DOCK2: variants seen among roughly 807,000 people sequenced by gnomAD.
DOCK2 encodes the protein dedicator of cytokinesis protein 2.
Under a neutral mutation model 248.9 loss-of-function variants are expected in DOCK2, and 87 were observed. The ratio of observed to expected loss-of-function variants is 0.35; its 90% CI spans 0.29 to 0.42. The LOEUF (loss-of-function observed/expected upper bound fraction) is 0.42, where lower values mean the gene tolerates loss of function less well. Among genes scored for constraint, DOCK2 ranks in the 10% least tolerant of loss-of-function variants. The probability of loss-of-function intolerance (pLI) is 1.00; values close to 1 mark genes in which losing one functional copy is unlikely to be tolerated. For missense variants in DOCK2, 1,747 were observed against 2,300.2 expected (o/e 0.76, Z 4.92); for synonymous variants, 805 against 821.6 (o/e 0.98, Z 0.35).
chr5:169,826,456 G>A (rs953387671), intron 26 of DOCK2, among the ~76,000 whole-genome samples: 8 of 152,084 alleles, frequency 5.3e-5, no homozygotes, highest in African/African-American at 1.7e-4. Flanking sequence ...TTGGGGTAGG[G>A]CCTGGGAGAA....
chr5:169,883,820 G>T, intron 27 of DOCK2: 1 of 1,549,554 alleles, frequency 6.5e-7, no homozygotes, highest in South Asian at 1.2e-5. Flanking sequence ...CGGTGGTGAG[G>T]TTGTTTCACA....
intron 27 of DOCK2, among the ~76,000 whole-genome samples, chr5:169,923,972 T>G (rs1241665743): frequency 1.3e-5 from 2 of 152,186 alleles, no homozygotes; most frequent in Admixed American, 6.5e-5. Flanking sequence ...GTTGGCAAAA[T>G]GGAGCTGGAT....
At chr5:169,877,133 C>T (rs540169432) in intron 27 of DOCK2, among the ~76,000 whole-genome samples, 63 of 152,278 alleles carry the variant, frequency 4.1e-4, no homozygotes, top group African/African-American at 1.4e-3. Context: ...GCAGAAAAGA[C>T]GTCCCAGGAA....
At chr5:170,020,709 C>T (rs111340418) in intron 33 of DOCK2, among the ~76,000 whole-genome samples, 160 of 152,332 alleles carry the variant, frequency 1.1e-3, no homozygotes, top group African/African-American at 3.6e-3. Context: ...ATTCCTAAAC[C>T]CATGCTGCAA....
At chr5:169,939,590 A>G (rs1776148146) in intron 27 of DOCK2, among the ~76,000 whole-genome samples, 1 of 152,186 alleles carries the variant, frequency 6.6e-6, no homozygotes, top group East Asian at 1.9e-4. Flanking sequence ...GCAGCACAGT[A>G]TGTTAGTTTA....
intron 33 of DOCK2, among the ~76,000 whole-genome samples, chr5:170,024,854 G>T (rs777116264): frequency 2.0e-5 from 3 of 152,126 alleles, no homozygotes; most frequent in Non-Finnish European, 2.9e-5. Flanking sequence ...AGGCATGGTG[G>T]TATGGTATCA....
At chr5:169,955,177 C>A (rs568923468) in intron 27 of DOCK2, among the ~76,000 whole-genome samples, 1 of 152,294 alleles carries the variant, frequency 6.6e-6, no homozygotes, top group Non-Finnish European at 1.5e-5. Flanking sequence ...ATGACGAGAT[C>A]GCCAGGCAGC....
At chr5:169,957,832 C>T (rs1776928689) in intron 27 of DOCK2, among the ~76,000 whole-genome samples, 1 of 152,238 alleles carries the variant, frequency 6.6e-6, no homozygotes, top group Admixed American at 6.5e-5. Flanking sequence ...CTGACTCTCC[C>T]CTGCTCCCCA....
intron 25 of DOCK2, among the ~76,000 whole-genome samples, chr5:169,783,801 A>T (rs1042249365): frequency 6.6e-6 from 1 of 152,232 alleles, no homozygotes; most frequent in Non-Finnish European, 1.5e-5. Flanking sequence ...TTACAGATGG[A>T]TAAACCTGCT....
intron 30 of DOCK2, among the ~76,000 whole-genome samples, chr5:170,002,513 G>A (rs973234190): frequency 6.6e-6 from 1 of 152,196 alleles, no homozygotes; most frequent in African/African-American, 2.4e-5. Context: ...TGAGGAATTA[G>A]ACTTGGATCC....
chr5:169,871,409 GGTC>G (rs1771961103), intron 27 of DOCK2, among the ~76,000 whole-genome samples: 4 of 152,184 alleles, frequency 2.6e-5, no homozygotes, highest in Non-Finnish European at 5.9e-5. Context: ...AAAGAATGAT[GGTC>G]ATTTATGGAA....
At chr5:169,808,649 C>T (rs1315480980) in intron 26 of DOCK2, among the ~76,000 whole-genome samples, 2 of 152,286 alleles carry the variant, frequency 1.3e-5, no homozygotes, top group South Asian at 2.1e-4. Flanking sequence ...CGGTTTCACA[C>T]TGCTTCGTTC....
intron 46 of DOCK2, among the ~76,000 whole-genome samples, chr5:170,070,141 A>G (rs2113870162): frequency 6.6e-6 from 1 of 152,322 alleles, no homozygotes; most frequent in Non-Finnish European, 1.5e-5. Flanking sequence ...CAAACCACCC[A>G]TCAGAACACA....
chr5:169,708,502 T>C (rs1425813209), intron 15 of DOCK2, among the ~76,000 whole-genome samples: 1 of 152,026 alleles, frequency 6.6e-6, no homozygotes, highest in African/African-American at 2.4e-5. Context: ...GCAGTCTGGC[T>C]CTGGGTCTGT....
chr5:169,835,868 C>A (rs1769544768), intron 26 of DOCK2, among the ~76,000 whole-genome samples: 1 of 151,824 alleles, frequency 6.6e-6, no homozygotes, highest in South Asian at 2.1e-4. Flanking sequence ...CTCAAGCCTG[C>A]CTCAGCCTCC....
At chr5:169,986,381 C>G (rs190572308) in intron 29 of DOCK2, among the ~76,000 whole-genome samples, 3 of 152,100 alleles carry the variant, frequency 2.0e-5, no homozygotes, top group African/African-American at 7.2e-5. Flanking sequence ...ATTTAGGGTA[C>G]AGCATTCCAT....
intron 27 of DOCK2, among the ~76,000 whole-genome samples, chr5:169,978,470 A>G (rs1777814175): frequency 6.6e-6 from 1 of 151,006 alleles, no homozygotes; most frequent in Non-Finnish European, 1.5e-5. Flanking sequence ...GTACACTAAA[A>G]TTATTGGCAT....
At chr5:169,908,735 G>A (rs1317270588) in intron 27 of DOCK2, among the ~76,000 whole-genome samples, 7 of 102,840 alleles carry the variant, frequency 6.8e-5, no homozygotes, top group Admixed American at 3.9e-4. Flanking sequence ...TTTTTTTTGA[G>A]ACCGAGTCTC....
chr5:169,707,549 T>A (rs1761343512), intron 14 of DOCK2, among the ~76,000 whole-genome samples: 1 of 152,162 alleles, frequency 6.6e-6, no homozygotes, highest in South Asian at 2.1e-4. Context: ...TCACGTCAGG[T>A]TCAATGTCTG....
Sources: allele counts gnomAD v4.1 joint callset (sites outside exome capture counted in the v4.1 genomes callset), GRCh38; gene constraint gnomAD v4.1.1; transcripts MANE v1.5; gene names NCBI Gene and HGNC (gene_info 2026-07-23, HGNC 2026-07-21).